The following TPR variants were observed in gnomAD, a reference collection of about 807,000 sequenced individuals.
The protein encoded by TPR is nucleoprotein TPR.
Under a neutral mutation model 316.1 loss-of-function variants are expected in TPR, and 51 were observed. The observed-to-expected ratio is 0.16, with a 90% confidence interval of 0.13 to 0.20. The LOEUF is 0.20. Among genes scored for constraint, TPR ranks in the 10% least tolerant of loss-of-function variants. TPR has a pLI of 1.00. For missense variants in TPR, 2,272 were observed against 2,754.8 expected (o/e 0.82, Z 3.92); for synonymous variants, 981 against 914.7 (o/e 1.07, Z -1.31).
At chr1:186,354,139 T>G (rs1205449729) in intron 17 of TPR, among the ~76,000 whole-genome samples, 1 of 152,234 alleles carries the variant, frequency 6.6e-6, no homozygotes, top group Admixed American at 6.5e-5. Flanking sequence ...CTGCACTTTT[T>G]TTTTTCTAAA....
chr1:186,348,806 T>C (rs1236407205), intron 21 of TPR, among the ~76,000 whole-genome samples: 5 of 152,210 alleles, frequency 3.3e-5, no homozygotes, highest in African/African-American at 1.2e-4. Context: ...TCTAAAACAC[T>C]AAATCTTAAA....
At chr1:186,329,002 T>C (rs146097292) in intron 39 of TPR, among the ~76,000 whole-genome samples, 21 of 152,240 alleles carry the variant, frequency 1.4e-4, no homozygotes, top group African/African-American at 5.1e-4. Flanking sequence ...GAGTAAGTCA[T>C]GGTATAATTT....
intron 29 of TPR, among the ~76,000 whole-genome samples, chr1:186,340,440 T>C (rs1201593613): frequency 6.7e-6 from 1 of 149,364 alleles, no homozygotes; most frequent in Non-Finnish European, 1.5e-5. Flanking sequence ...CTATTTTGCT[T>C]TTTTTTTTTG....
chr1:186,350,410 T>C, intron 20 of TPR, 22 bp from the exon 21 acceptor site: 3 of 1,515,880 alleles, frequency 2.0e-6, no homozygotes, highest in Non-Finnish European at 2.7e-6. Context: ...ATTAATCTTA[T>C]AACATTCTTT....
Position 186,341,158 on chromosome 1 carries a change from A to C in TPR, c.3890T>G (p.Val1297Gly). 1 of 1,613,402 alleles carries C rather than the reference A, an allele frequency of 6.2e-7. No individual in the cohort carries two copies. The highest frequency in any genetic ancestry group is 8.5e-7 in the Non-Finnish European group (1 of 1,179,872). The part of the protein sequence containing the change: ...EQDLQQMQAK[V>G]RKLELDILPL... ...TAAAATATCTAACTCCAGTTTCCTC[A>C]CCTGAAAATCATGCCAATATTTAAC... The change falls in exon 29 of 51, where the codon GTG (valine) becomes GGG (glycine). Residue 1297 changes from valine (V) to glycine (G), a missense_variant and splice_region_variant. This residue lies in a region of TPR where 757 missense variants were observed against 859.8 expected (regional missense o/e 0.88). Coordinates refer to ENST00000367478, the MANE Select transcript of TPR (RefSeq NM_003292.3).
intron 13 of TPR, 80 bp downstream of exon 13, chr1:186,358,463 T>G: frequency 9.4e-7 from 1 of 1,059,520 alleles, no homozygotes. Flanking sequence ...TAGTTCTATC[T>G]TAGGTACCTT....
chr1:186,329,920 C>T (rs550981093), intron 39 of TPR, among the ~76,000 whole-genome samples: 20 of 152,292 alleles, frequency 1.3e-4, no homozygotes, highest in African/African-American at 4.6e-4. Context: ...GAAAACTACA[C>T]AGCCTGGGTT....
At chr1:186,337,914 T>C (rs1392735353) in intron 31 of TPR, 119 bp downstream of exon 31, 1 of 807,500 alleles carries the variant, frequency 1.2e-6, no homozygotes, top group South Asian at 2.1e-5. Flanking sequence ...AATAAAGATA[T>C]CATATATGCT....
chr1:186,344,750 A>T (rs977245143), intron 24 of TPR, among the ~76,000 whole-genome samples, 172 bp from the exon 25 acceptor site: 2 of 152,234 alleles, frequency 1.3e-5, no homozygotes, highest in African/African-American at 4.8e-5. Context: ...TAATATTATA[A>T]AACTGTCAGA....
In TPR at chr1:186,312,750, T is replaced by G. The variant is rs1212129912; in HGVS notation, c.*1221A>C. ...TTGCCTTTTAATCTGGTATCTTTTA[T>G]TAAACATGCCACTTACAGGTGTCCT... is the stretch of plus-strand genomic sequence containing the variant. On this transcript the variant is annotated 3_prime_UTR_variant, in exon 51 of 51. Transcript: ENST00000367478. 3 of 1,611,340 alleles carry G rather than the reference T, an allele frequency of 1.9e-6. No individual in the cohort carries two copies.
At chr1:186,368,835 A>C (rs535303062) in intron 3 of TPR, among the ~76,000 whole-genome samples, 1 of 152,192 alleles carries the variant, frequency 6.6e-6, no homozygotes, top group Non-Finnish European at 1.5e-5. Context: ...GGCCAATGTC[A>C]AGAACCTTTC....
intron 17 of TPR, 43 bp downstream of exon 17, chr1:186,355,367 A>G (rs1313712466): frequency 1.3e-6 from 2 of 1,563,440 alleles, no homozygotes; most frequent in African/African-American, 1.4e-5. Flanking sequence ...ATTGTAAAGT[A>G]TAACATTTAG....
chr1:186,374,757 C>T (rs1571647389), intron 1 of TPR, 121 bp downstream of exon 1: 19 of 1,063,554 alleles, frequency 1.8e-5, no homozygotes, highest in Non-Finnish European at 2.2e-5. Context: ...TCAGGATATC[C>T]ACAGAGCCCA....
In TPR at chr1:186,353,718, T is replaced by C. The variant is rs1268455158; in HGVS notation, c.2304A>G (p.Arg768=). 1.2e-6 allele frequency: 2 copies of C among 1,614,116 alleles called. No homozygotes were observed. Among genetic ancestry groups the C allele is most frequent in the Non-Finnish European group, 1.7e-6 (2 of 1,180,006 alleles). ...CGACAGCTAGCTTCTCATTTGCTCCTCTCAAATCTTGAGTCATCGTATTGA... is the reference window on the plus strand; with the variant it reads ...CGACAGCTAGCTTCTCATTTGCTCCCCTCAAATCTTGAGTCATCGTATTGA... ...QIINTMTQDL[R]GANEKLAVAE... is the part of the protein sequence containing the mutation. Residue 768 remains arginine (R), a synonymous_variant, in exon 18 of 51, where the codon AGA becomes AGG. Transcript: ENST00000367478.
In TPR at chr1:186,360,479, A is replaced by G. The variant is rs1162863808; in HGVS notation, c.1100-115T>C. Reference sequence around the variant, plus strand: ...ACATTATATAGTAATTCCTATAAAAATTTTAAATACATGACATCAAAAAGT... The same window carrying G: ...ACATTATATAGTAATTCCTATAAAAGTTTTAAATACATGACATCAAAAAGT... On this transcript the variant is annotated intron_variant, in intron 10 of 50. Coordinates refer to ENST00000367478, the MANE Select transcript of TPR (RefSeq NM_003292.3). 6 of 1,122,536 alleles carry G rather than the reference A, an allele frequency of 5.3e-6. No individual in the cohort carries two copies. The African/African-American group carries it at 9.6e-5, about 18-fold the overall frequency. 69.5% of individuals were successfully genotyped at this position (1,122,536 alleles called of 1,614,324 possible).
chr1:186,355,394 A>G lies in TPR; in HGVS notation c.2171+16T>C. On this transcript the variant is annotated intron_variant, in intron 17 of 50. Transcript: ENST00000367478. ...AACATTTAGACTTAATTAATTTGAA[A>G]CAAAAGAAAACTTACCGTTTAGAAG... 12 of 1,598,284 alleles carry G rather than the reference A, an allele frequency of 7.5e-6. No homozygotes were observed. Among genetic ancestry groups the G allele is most frequent in the Non-Finnish European group, 1.0e-5 (12 of 1,175,656 alleles).
chr1:186,346,127 CTATT>C lies in TPR; in HGVS notation c.3096+4_3096+7del. On this transcript the variant is annotated splice_donor_5th_base_variant and intron_variant, in intron 23 of 50. Transcript: ENST00000367478. ...TAAAAAAAAAATTAATACGGTTAAC[CTATT>C]TACCTGTTGTTCCATGCTCTCTATG... 6.3e-7 allele frequency: 1 copy of C among 1,594,258 alleles called. No homozygotes were observed. The highest frequency in any genetic ancestry group is 1.7e-4 in the Middle Eastern group (1 of 5,924).
At chr1:186,345,942 TGTAAA>T (rs1385694351) in intron 23 of TPR, among the ~76,000 whole-genome samples, 188 bp downstream of exon 23, 3 of 152,164 alleles carry the variant, frequency 2.0e-5, no homozygotes, top group African/African-American at 7.2e-5. Context: ...TACCTATTTC[TGTAAA>T]GTAGTCTAAA....
rs1468033933 is a variant in TPR at position 186,337,143 on chromosome 1, G to A, written c.4376C>T (p.Ser1459Leu). ...KAQQDKVMET[S>L]AQSSGDHQEQ... is the part of the protein sequence containing the mutation. Reference sequence around the variant, plus strand: ...CTGATGGTCTCCAGAGGACTGAGCCGATGTCTCCATAACCTAAGACAACAA... The same window carrying A: ...CTGATGGTCTCCAGAGGACTGAGCCAATGTCTCCATAACCTAAGACAACAA... Residue 1459 changes from serine (S) to leucine (L), a missense_variant, in exon 32 of 51, where the codon TCG (serine) becomes TTG (leucine). Transcript: ENST00000367478. 4.3e-6 allele frequency: 7 copies of A among 1,613,328 alleles called. No homozygotes were observed. The highest frequency in any genetic ancestry group is 1.3e-5 in the African/African-American group (1 of 74,874).
Sources: allele counts gnomAD v4.1 joint callset (sites outside exome capture counted in the v4.1 genomes callset), GRCh38; gene constraint gnomAD v4.1.1; regional missense constraint gnomAD v4.1.1; transcripts MANE v1.5; gene names NCBI Gene and HGNC (gene_info 2026-07-23, HGNC 2026-07-21).